SLC16A14: variants seen among roughly 807,000 people sequenced by gnomAD.
SLC16A14 encodes the protein solute carrier family 16 member 14, also known as monocarboxylate transporter 14.
In SLC16A14, 14 loss-of-function variants were observed where a neutral mutation model predicts 35.8. That is an observed-to-expected ratio of 0.39 (90% CI 0.26 to 0.61). The LOEUF (loss-of-function observed/expected upper bound fraction) is 0.61, where lower values mean the gene tolerates loss of function less well. Ranked by LOEUF, SLC16A14 falls within the 20% of genes least tolerant of loss-of-function variation. The pLI is 0.51. For synonymous variants in SLC16A14, 248 were observed against 258.9 expected, an observed-to-expected ratio of 0.96 and a Z score of 0.40; for missense variants, 533 against 655.0, an observed-to-expected ratio of 0.81 and a Z score of 2.03.
At chr2:230,037,626 C>A in intron 4 of SLC16A14, 95 bp from the exon 5 acceptor site, 1 of 951,948 alleles carries the variant, frequency 1.1e-6, no homozygotes, top group Non-Finnish European at 1.5e-6. Context: ...GTACATGTTT[C>A]TACAAGAATT....
In SLC16A14 at chr2:230,037,513, G is replaced by A. The variant is rs201925005; in HGVS notation, c.1400C>T (p.Thr467Met). Residue 467 changes from threonine (T) to methionine (M), a missense_variant, in exon 5 of 5, where the codon ACG becomes ATG. Transcript: ENST00000295190. ...GTAGAAGGAAAAATCATATTTTTGC[G>A]TGATGTCATAGATCCACCCTACAAA... is the stretch of plus-strand genomic sequence containing the variant. The part of the protein sequence containing the change: ...PPFAGWIYDI[T>M]QKYDFSFYIC... The A allele has an allele frequency of 3.1e-5, 50 of 1,609,330 alleles. No homozygotes were observed. Among genetic ancestry groups the A allele is most frequent in the Middle Eastern group, 3.3e-4 (2 of 5,974 alleles).
intron 3 of SLC16A14, among the ~76,000 whole-genome samples, chr2:230,048,344 C>G (rs1425288400): frequency 6.6e-6 from 1 of 152,206 alleles, no homozygotes; most frequent in Non-Finnish European, 1.5e-5. Flanking sequence ...CTAACGCATT[C>G]ATTGTAGCTC....
At chr2:230,067,548 CTCTCTCTCT>C in intron 1 of SLC16A14, among the ~76,000 whole-genome samples, 1 of 50,404 alleles carries the variant, frequency 2.0e-5, no homozygotes, top group Non-Finnish European at 4.8e-5. Context: ...CTCTCTCTCT[CTCTCTCTCT>C]CTCTCTCTCT....
At position 230,045,884 on chromosome 2, in the gene SLC16A14, C is replaced by T; in HGVS notation, c.1242G>A (p.Leu414=). Residue 414 remains leucine, a synonymous_variant, in exon 4 of 5, where the codon CTG becomes CTA. Transcript: ENST00000295190. ...AGAAATAACCACTGGAAAACCCTATCAGCGCACAGATGACCGCCAGGCCAG... is the reference window on the plus strand; with the variant it reads ...AGAAATAACCACTGGAAAACCCTATTAGCGCACAGATGACCGCCAGGCCAG... ...TYAGLAVICA[L]IGFSSGYFSL... 1.2e-6 allele frequency: 2 copies of T among 1,613,588 alleles called. No homozygotes were observed. The highest frequency in any genetic ancestry group is 1.7e-6 in the Non-Finnish European group (2 of 1,179,592).
intron 1 of SLC16A14, among the ~76,000 whole-genome samples, chr2:230,061,991 C>T (rs1285552221): frequency 1.3e-5 from 2 of 152,162 alleles, no homozygotes; most frequent in Non-Finnish European, 2.9e-5. Context: ...ATCCTCCTGC[C>T]TCGGCTTTCA....
chr2:230,052,181 C>CG (rs1277431367), intron 2 of SLC16A14, among the ~76,000 whole-genome samples: 2 of 152,032 alleles, frequency 1.3e-5, no homozygotes, highest in African/African-American at 4.8e-5. Flanking sequence ...GTGATCCGCC[C>CG]GTCTCGGCCT....
Position 230,044,732 on chromosome 2 carries a change from G to A in SLC16A14, c.1381+1013C>T, listed in dbSNP as rs966172395. 4.3e-4 allele frequency among the ~76,000 whole-genome samples: 42 copies of A among 98,112 alleles called. No individual in the cohort carries two copies. The East Asian group carries it at 4.4e-3, about 10-fold the overall frequency. The allele number at this position is 98,112 out of a possible 152,430, so 64.4% of individuals were successfully genotyped here. A position where few individuals can be genotyped will look rare whatever the true frequency, so the allele number is the denominator to read the frequency against. The stretch of plus-strand genomic sequence containing the variant: ...TGTGTGTGTGTGTGTGTGTGTGTGT[G>A]TGTGTATGTGTGTGTGTGTGTGTGT... On this transcript the variant is annotated intron_variant, in intron 4 of 4. Transcript: ENST00000295190.
At position 230,046,271 on chromosome 2, in the gene SLC16A14, A is replaced by G; in HGVS notation, c.855T>C (p.Thr285=). The G allele has an allele frequency of 6.2e-7, 1 of 1,614,232 alleles. No homozygotes were observed. Among genetic ancestry groups the G allele is most frequent in the South Asian group, 1.1e-5 (1 of 91,088 alleles). Residue 285 remains threonine, a synonymous_variant, in exon 4 of 5, where the codon ACT becomes ACC. Coordinates refer to ENST00000295190, the MANE Select transcript of SLC16A14 (RefSeq NM_152527.5). The surrounding 1 kb of genome is among the most constrained non-coding windows in gnomAD (Gnocchi z 5.0). ...KNMCALRILK[T]VSWLTMRVRK... ...TGACTCTCATGGTGAGCCAGCTGAC[A>G]GTCTTCAGAATCCGGAGGGCACACA...
At chr2:230,065,720 A>T (rs888107611) in intron 1 of SLC16A14, among the ~76,000 whole-genome samples, 1 of 152,182 alleles carries the variant, frequency 6.6e-6, no homozygotes, top group African/African-American at 2.4e-5. Flanking sequence ...AGAAAAACAA[A>T]TGTTTATCCC....
Position 230,046,290 on chromosome 2 carries a change from G to A in SLC16A14, c.836C>T (p.Ala279Val), listed in dbSNP as rs1476162043. ...GCTGACAGTCTTCAGAATCCGGAGG[G>A]CACACATGTTCTTCCTGTGCCCGGC... The part of the protein sequence containing the change: ...DQAGHRKNMC[A>V]LRILKTVSWL... The change falls in exon 4 of 5, where the codon GCC becomes GTC. Residue 279 changes from alanine (A) to valine (V), a missense_variant. Physicochemically the swap from Ala to Val is moderately conservative, Grantham distance 64. Transcript: ENST00000295190. This position sits in a 1 kb window ranked among gnomAD's most constrained non-coding sequence, Gnocchi z 5.0. 4 of 1,614,172 alleles carry A rather than the reference G, an allele frequency of 2.5e-6. No homozygotes were observed. The highest frequency in any genetic ancestry group is 3.3e-5 in the Admixed American group (2 of 60,024).
chr2:230,041,872 C>A (rs1361537500), intron 4 of SLC16A14, among the ~76,000 whole-genome samples: 1 of 152,126 alleles, frequency 6.6e-6, no homozygotes, highest in Non-Finnish European at 1.5e-5. Flanking sequence ...GCAATGTGGT[C>A]ATTTAGTCAC....
rs778596764 is a variant in SLC16A14 at position 230,045,847 on chromosome 2, C to T, written c.1279G>A (p.Val427Ile). 27 of 1,613,960 alleles carry T rather than the reference C, an allele frequency of 1.7e-5. No homozygotes were observed. Among genetic ancestry groups the T allele is most frequent in the African/African-American group, 5.3e-5 (4 of 74,916 alleles). ...FSSGYFSLMP[V>I]VTEDLVGIEH... The stretch of plus-strand genomic sequence containing the variant: ...ATGCCAACCAAGTCTTCAGTCACTA[C>T]GGGCATTAGGGAGAAATAACCACTG... The change falls in exon 4 of 5, where the codon GTA becomes ATA. Residue 427 changes from valine to isoleucine, a missense_variant. By Grantham distance (29) the Val-to-Ile change is conservative (BLOSUM62 3). Transcript: ENST00000295190.
chr2:230,057,447 A>G (rs1028553231), intron 2 of SLC16A14, among the ~76,000 whole-genome samples: 8 of 152,144 alleles, frequency 5.3e-5, no homozygotes, highest in Admixed American at 6.6e-5. Flanking sequence ...ACTTGAATCT[A>G]TGTTCCCATG....
At chr2:230,062,537 T>C (rs1191154205) in intron 1 of SLC16A14, among the ~76,000 whole-genome samples, 1 of 152,026 alleles carries the variant, frequency 6.6e-6, no homozygotes, top group East Asian at 1.9e-4. Context: ...CTTGTAGAGA[T>C]GGACTTTCAC....
rs577569494 is a variant in SLC16A14 at position 230,055,113 on chromosome 2, T to G, written c.259+3981A>C. On this transcript the variant is annotated intron_variant, in intron 2 of 4. Transcript: ENST00000295190. ...ACCAGGTTTAAAGCCAGTTCTACAC[T>G]TACTGGCTGTTCAACCTTCAGTAAG... Among the ~76,000 whole-genome samples the G allele has an allele frequency of 3.9e-5, 6 of 152,316 alleles. No homozygotes were observed. The East Asian group carries it at 1.2e-3, about 29-fold the overall frequency.
At chr2:230,052,562 G>A (rs773649442) in intron 2 of SLC16A14, among the ~76,000 whole-genome samples, 13 of 151,666 alleles carry the variant, frequency 8.6e-5, no homozygotes, top group Non-Finnish European at 1.6e-4. Flanking sequence ...CACAGAAAGG[G>A]CCCAGAAGCA....
At chr2:230,050,030 A>G (rs1319365289) in intron 2 of SLC16A14, 126 bp from the exon 3 acceptor site, 14 of 1,057,930 alleles carry the variant, frequency 1.3e-5, no homozygotes, top group Admixed American at 2.8e-5. Context: ...AAAAGCCCCC[A>G]TTGCTTTATA....
intron 4 of SLC16A14, among the ~76,000 whole-genome samples, chr2:230,044,258 A>G (rs1209531081): frequency 6.6e-6 from 1 of 151,242 alleles, no homozygotes; most frequent in Non-Finnish European, 1.5e-5. Context: ...AGGGATCACA[A>G]GGTCAGGAGT....
Position 230,055,114 on chromosome 2 carries a change from T to TA in SLC16A14, c.259+3979dup, listed in dbSNP as rs2077694320. ...CCAGGTTTAAAGCCAGTTCTACACT[T>TA]ACTGGCTGTTCAACCTTCAGTAAGT... On this transcript the variant is annotated intron_variant, in intron 2 of 4. Transcript: ENST00000295190. Among the ~76,000 whole-genome samples, 8 of 152,196 alleles carry TA rather than the reference T, an allele frequency of 5.3e-5. No homozygotes were observed. In the South Asian group the frequency reaches 1.7e-3, roughly 32 times the overall value.
Sources: allele counts gnomAD v4.1 joint callset (sites outside exome capture counted in the v4.1 genomes callset), GRCh38; gene constraint gnomAD v4.1.1; non-coding constraint Gnocchi (gnomAD v3.1); transcripts MANE v1.5; gene names NCBI Gene and HGNC (gene_info 2026-07-23, HGNC 2026-07-21).